The following TTC7A variants were observed in gnomAD, a reference collection of about 807,000 sequenced individuals.
The protein encoded by TTC7A is tetratricopeptide repeat protein 7A.
Under a neutral mutation model 103.7 loss-of-function variants are expected in TTC7A, and 110 were observed. The ratio of observed to expected loss-of-function variants is 1.06; its 90% CI spans 0.91 to 1.24. The LOEUF (loss-of-function observed/expected upper bound fraction) is 1.24, where lower values mean the gene tolerates loss of function less well. TTC7A is among the 50% of genes most tolerant of loss of function. TTC7A has a pLI of 0.00. For synonymous variants in TTC7A, 521 were observed against 467.9 expected (o/e 1.11, Z -1.47); for missense variants, 1,340 against 1,116.3 (o/e 1.20, Z -2.86).
intron 18 of TTC7A, among the ~76,000 whole-genome samples, chr2:47,052,547 C>T (rs972522639): frequency 5.3e-5 from 8 of 152,216 alleles, no homozygotes; most frequent in South Asian, 2.1e-4. Context: ...AGCATGGCCC[C>T]ACGGACAGCG....
chr2:46,917,095 C>T (rs1177738250), intron 1 of TTC7A: 1 of 686,242 alleles, frequency 1.5e-6, no homozygotes. Context: ...GGTCTCATTC[C>T]TTTTCCCACC....
At chr2:46,925,494 G>C (rs957113184) in intron 2 of TTC7A, among the ~76,000 whole-genome samples, 1 of 152,116 alleles carries the variant, frequency 6.6e-6, no homozygotes, top group African/African-American at 2.4e-5. Flanking sequence ...GGAGGCGGAG[G>C]TTGCAGTGAG....
Position 46,941,858 on chromosome 2 carries a change from C to T in TTC7A, c.184+133C>T, listed in dbSNP as rs1670435513. ...CCCACCGTGCTAGTCTTAAGAGCAG[C>T]CAGGGCAGTTAGGAAGGTCCTTCTG... On this transcript the variant is annotated intron_variant, in intron 1 of 19. Coordinates refer to ENST00000319190, the MANE Select transcript of TTC7A (RefSeq NM_020458.4). The surrounding 1 kb of genome is among the most constrained non-coding windows in gnomAD (Gnocchi z 4.2). The T allele has an allele frequency of 1.7e-6, 2 of 1,188,130 alleles. No individual in the cohort carries two copies. Among genetic ancestry groups the T allele is most frequent in the Admixed American group, 5.0e-5 (2 of 40,044 alleles). 73.6% of individuals were successfully genotyped at this position (1,188,130 alleles called of 1,614,324 possible).
rs541079235 is a variant in TTC7A, at chr2:47,041,919, G to A, written c.1803-4396G>A. Among the ~76,000 whole-genome samples, 96 of 149,834 alleles carry A rather than the reference G, an allele frequency of 6.4e-4. 1 individual carries two copies. The South Asian group carries it at 0.018, about 28-fold the overall frequency. ...GATTAAATTGAAATGACAGATTAAC[G>A]GGAAAAAAAACGTATTTAATTATAT... On this transcript the variant is annotated intron_variant, in intron 15 of 19. Coordinates refer to ENST00000319190, the MANE Select transcript of TTC7A (RefSeq NM_020458.4).
chr2:46,981,598 T>C (rs1486151903), intron 5 of TTC7A, among the ~76,000 whole-genome samples: 1 of 152,184 alleles, frequency 6.6e-6, no homozygotes, highest in Admixed American at 6.5e-5. Flanking sequence ...TGAGACTCTC[T>C]AGAACCGGAG....
chr2:47,056,892 G>T (rs1220060286), intron 18 of TTC7A, among the ~76,000 whole-genome samples: 2 of 137,518 alleles, frequency 1.5e-5, no homozygotes, highest in African/African-American at 6.1e-5. Context: ...GGCACCGTGT[G>T]CCCAAATCTC....
intron 8 of TTC7A, among the ~76,000 whole-genome samples, chr2:47,005,033 C>G (rs1677227045): frequency 6.6e-6 from 1 of 152,198 alleles, no homozygotes; most frequent in Non-Finnish European, 1.5e-5. Context: ...GAATTTCCCG[C>G]TCATACAGCA....
At chr2:46,930,881 T>A (rs1669665479) in intron 2 of TTC7A, among the ~76,000 whole-genome samples, 1 of 152,222 alleles carries the variant, frequency 6.6e-6, no homozygotes, top group Non-Finnish European at 1.5e-5. Flanking sequence ...AATAATGCTT[T>A]ATATGAACTC....
At chr2:46,928,310 A>G (rs760047058) in intron 2 of TTC7A, among the ~76,000 whole-genome samples, 2 of 152,060 alleles carry the variant, frequency 1.3e-5, no homozygotes, top group Non-Finnish European at 2.9e-5. Flanking sequence ...GTGAAAAAAC[A>G]TTACAAAAAA....
At chr2:47,058,369 A>C (rs1186592273) in intron 18 of TTC7A, among the ~76,000 whole-genome samples, 1 of 152,140 alleles carries the variant, frequency 6.6e-6, no homozygotes, top group African/African-American at 2.4e-5. Flanking sequence ...TGCACAATGA[A>C]CCTTAGGCAA....
intron 9 of TTC7A, 93 bp downstream of exon 9, chr2:47,006,152 A>G (rs1207367048): frequency 6.6e-7 from 1 of 1,517,658 alleles, no homozygotes; most frequent in Non-Finnish European, 8.9e-7. Flanking sequence ...TCCACCTGTC[A>G]TTCCCCTGCC....
chr2:47,050,139 T>C (rs891246636), intron 17 of TTC7A, 93 bp downstream of exon 17: 2 of 1,112,878 alleles, frequency 1.8e-6, no homozygotes, highest in African/African-American at 1.5e-5. Context: ...CCGGGCCCTC[T>C]CCCAGCCGGG....
At chr2:46,983,613 C>G (rs552335256) in intron 5 of TTC7A, among the ~76,000 whole-genome samples, 27 of 152,368 alleles carry the variant, frequency 1.8e-4, no homozygotes, top group Non-Finnish European at 3.7e-4. Flanking sequence ...ACTTATGAAG[C>G]CCGGCACGGA....
intron 2 of TTC7A, among the ~76,000 whole-genome samples, chr2:46,955,399 G>A (rs1474036573): frequency 1.3e-5 from 2 of 152,208 alleles, no homozygotes; most frequent in African/African-American, 4.8e-5. Context: ...ATTCAGCTTT[G>A]GAGAGTTAAT....
At position 47,059,009 on chromosome 2, in the gene TTC7A, C is replaced by CTTTTTTTTTTTT. The variant is rs35753980; in HGVS notation, c.2153-1741_2153-1730dup. On this transcript the variant is annotated intron_variant, in intron 18 of 19. Coordinates refer to ENST00000319190, the MANE Select transcript of TTC7A (RefSeq NM_020458.4). ...GTGGGGTCCTCACCTCCTAAGCCTG[C>CTTTTTTTTTTTT]TTTTTTTTTTTTTTTTTTTTTTTTT... Among the ~76,000 whole-genome samples, 46 of 44,718 alleles carry CTTTTTTTTTTTT rather than the reference C, an allele frequency of 1.0e-3. 11 individuals are homozygous for CTTTTTTTTTTTT. The highest frequency in any genetic ancestry group is 5.5e-3 in the African/African-American group (46 of 8,318). 29.3% of individuals were successfully genotyped at this position (44,718 alleles called of 152,430 possible). A position where few individuals can be genotyped will look rare whatever the true frequency, so the allele number is the denominator to read the frequency against.
Position 47,073,705 on chromosome 2 carries a change from C to A in TTC7A, c.2359C>A (p.Leu787Met). ...CTGCCCTGTGCTTCGTCCACAGGGT[C>A]TGATGCTGAGTCGGCTGGGCCACAA... is the stretch of plus-strand genomic sequence containing the variant. ...DGVRIMHSLG[L>M]MLSRLGHKSL... Residue 787 changes from leucine to methionine, a missense_variant, in exon 20 of 20, where the codon CTG (leucine) becomes ATG (methionine). Physicochemically the swap from Leu to Met is conservative, Grantham distance 15. Coordinates refer to ENST00000319190, the MANE Select transcript of TTC7A (RefSeq NM_020458.4). The A allele has an allele frequency of 6.2e-7, 1 of 1,613,856 alleles. No homozygotes were observed. Among genetic ancestry groups the A allele is most frequent in the South Asian group, 1.1e-5 (1 of 91,052 alleles).
chr2:46,975,605 T>TGATAC (rs1673803180), intron 4 of TTC7A, among the ~76,000 whole-genome samples: 1 of 152,252 alleles, frequency 6.6e-6, no homozygotes, highest in East Asian at 1.9e-4. Context: ...GGGTTAACTG[T>TGATAC]CTGCAGGGTA....
intron 3 of TTC7A, among the ~76,000 whole-genome samples, chr2:46,971,370 G>A (rs1673340284): frequency 6.6e-6 from 1 of 152,154 alleles, no homozygotes; most frequent in Non-Finnish European, 1.5e-5. Context: ...TACATTCCAG[G>A]CAGGAGGAAC....
chr2:46,916,912 C>T (rs544367160), intron 1 of TTC7A, among the ~76,000 whole-genome samples: 1 of 151,608 alleles, frequency 6.6e-6, no homozygotes, highest in African/African-American at 2.4e-5. Context: ...GGATTACAGG[C>T]GTGAGCCACC....
Sources: allele counts gnomAD v4.1 joint callset (sites outside exome capture counted in the v4.1 genomes callset), GRCh38; gene constraint gnomAD v4.1.1; non-coding constraint Gnocchi (gnomAD v3.1); transcripts MANE v1.5; gene names NCBI Gene and HGNC (gene_info 2026-07-23, HGNC 2026-07-21).